Variants in TAFA1 observed in about 807,000 individuals in gnomAD.
The protein encoded by TAFA1 is TAFA chemokine like family member 1, also known as chemokine-like protein TAFA-1.
In TAFA1, 4 loss-of-function variants were observed where a neutral mutation model predicts 18.5. The observed-to-expected ratio is 0.22, with a 90% CI of 0.11 to 0.49. The LOEUF (loss-of-function observed/expected upper bound fraction) is 0.49. TAFA1 is among the 20% of genes least tolerant of loss of function. The pLI is 0.98. For missense variants in TAFA1, 147 were observed against 169.0 expected, an observed-to-expected ratio of 0.87 and a Z score of 0.72; for synonymous variants, 56 against 55.2, an observed-to-expected ratio of 1.01 and a Z score of -0.06.
At chr3:68,297,103 G>C (rs938971163) in intron 2 of TAFA1, among the ~76,000 whole-genome samples, 1 of 152,154 alleles carries the variant, frequency 6.6e-6, no homozygotes, top group Non-Finnish European at 1.5e-5. Flanking sequence ...AGCAAGCCCA[G>C]GTAGCTGGAG....
At chr3:68,033,637 G>A (rs1704983190) in intron 2 of TAFA1, among the ~76,000 whole-genome samples, 1 of 152,112 alleles carries the variant, frequency 6.6e-6, no homozygotes, top group South Asian at 2.1e-4. Flanking sequence ...ATTAAGTCAT[G>A]CTAGATATTT....
chr3:68,287,190 C>G (rs1009237320), intron 2 of TAFA1, among the ~76,000 whole-genome samples: 10 of 152,154 alleles, frequency 6.6e-5, no homozygotes, highest in African/African-American at 2.2e-4. Flanking sequence ...TGAATTATCA[C>G]CTTCCTGAAA....
chr3:68,348,033 TG>T, intron 2 of TAFA1, among the ~76,000 whole-genome samples: 2 of 152,246 alleles, frequency 1.3e-5, no homozygotes, highest in African/African-American at 4.8e-5. Context: ...AACTCCCTGA[TG>T]TTGATTCCTC....
At chr3:68,258,082 A>G (rs2067334107) in intron 2 of TAFA1, among the ~76,000 whole-genome samples, 1 of 152,206 alleles carries the variant, frequency 6.6e-6, no homozygotes, top group Non-Finnish European at 1.5e-5. Context: ...ATCCTGGAAC[A>G]GAAAAGGACT....
intron 2 of TAFA1, among the ~76,000 whole-genome samples, chr3:68,385,893 T>C (rs984619540): frequency 6.6e-5 from 10 of 152,146 alleles, no homozygotes; most frequent in Admixed American, 1.3e-4. Context: ...AATTAGCATA[T>C]CCATCATCTT....
intron 2 of TAFA1, among the ~76,000 whole-genome samples, chr3:68,019,228 T>A (rs1575576444): frequency 6.6e-6 from 1 of 152,252 alleles, no homozygotes; most frequent in African/African-American, 2.4e-5. Flanking sequence ...TGCAGCTGAA[T>A]AATGCTTGAT....
chr3:68,027,301 A>G (rs1397045395), intron 2 of TAFA1, among the ~76,000 whole-genome samples: 2 of 152,112 alleles, frequency 1.3e-5, no homozygotes, highest in Non-Finnish European at 2.9e-5. Flanking sequence ...CCCAATATTT[A>G]GCAGAATCCT....
intron 2 of TAFA1, among the ~76,000 whole-genome samples, chr3:68,262,349 A>ATATTTATT (rs1553662624): frequency 1.3e-5 from 1 of 78,730 alleles, no homozygotes; most frequent in South Asian, 5.4e-4. Context: ...ATATATATAT[A>ATATTTATT]TATATATATT....
intron 2 of TAFA1, 99 bp downstream of exon 2, chr3:68,006,843 G>T: frequency 1.1e-6 from 1 of 880,762 alleles, no homozygotes. Flanking sequence ...TATAGTGTGG[G>T]CAGCTTGCCT....
intron 3 of TAFA1, among the ~76,000 whole-genome samples, chr3:68,448,050 C>T (rs2071501371): frequency 1.3e-5 from 2 of 152,258 alleles, no homozygotes; most frequent in South Asian, 2.1e-4. Flanking sequence ...AGGAATTCTG[C>T]TGCAGTTGGT....
chr3:68,520,073 T>A (rs2072995863), intron 3 of TAFA1, among the ~76,000 whole-genome samples: 1 of 152,224 alleles, frequency 6.6e-6, no homozygotes, highest in South Asian at 2.1e-4. Flanking sequence ...ATACTCAGAA[T>A]GTTGCACTGG....
rs141926967 is a variant in TAFA1, at chr3:68,004,401, G to A, written c.-305G>A. 6.6e-6 allele frequency: 1 copy of A among 152,232 alleles called. No homozygotes were observed. Among genetic ancestry groups the A allele is most frequent in the Non-Finnish European group, 1.5e-5 (1 of 68,024 alleles). The allele number at this position is 152,232 out of a possible 1,614,324, so 9.4% of individuals were successfully genotyped here. A position where few individuals can be genotyped will look rare whatever the true frequency, so the allele number is the denominator to read the frequency against. Reference sequence around the variant, plus strand: ...ACATTATCTCCCCATCACTTCAAAGGTCTCGTCAGGCAGAGGTGACGCCAG... The same window carrying A: ...ACATTATCTCCCCATCACTTCAAAGATCTCGTCAGGCAGAGGTGACGCCAG... On this transcript the variant is annotated 5_prime_UTR_variant, in exon 1 of 5. Transcript: ENST00000478136.
intron 2 of TAFA1, among the ~76,000 whole-genome samples, chr3:68,016,785 C>G (rs1331450082): frequency 6.6e-6 from 1 of 152,126 alleles, no homozygotes; most frequent in Non-Finnish European, 1.5e-5. Flanking sequence ...TGCCTGCAAA[C>G]CTCTGCAACA....
intron 2 of TAFA1, among the ~76,000 whole-genome samples, chr3:68,349,523 A>C (rs1370066482): frequency 6.6e-6 from 1 of 152,116 alleles, no homozygotes; most frequent in East Asian, 1.9e-4. Flanking sequence ...TTATTTGGGC[A>C]TAGAGTGTTT....
At chr3:68,477,617 G>A (rs1575904354) in intron 3 of TAFA1, among the ~76,000 whole-genome samples, 1 of 152,094 alleles carries the variant, frequency 6.6e-6, no homozygotes, top group East Asian at 1.9e-4. Flanking sequence ...CTGTCCTCAA[G>A]TCATCTGCCC....
At chr3:68,277,348 T>G (rs979339004) in intron 2 of TAFA1, among the ~76,000 whole-genome samples, 2 of 152,128 alleles carry the variant, frequency 1.3e-5, no homozygotes, top group African/African-American at 4.8e-5. Context: ...ATGCTCTGAA[T>G]TTATACTTCT....
chr3:68,325,408 G>A (rs1037590365), intron 2 of TAFA1, among the ~76,000 whole-genome samples: 2 of 152,148 alleles, frequency 1.3e-5, no homozygotes, highest in Admixed American at 6.5e-5. Context: ...AGGGTGAATA[G>A]TATCTACATT....
At position 68,021,185 on chromosome 3, in the gene TAFA1, C is replaced by CAAAAAAAA; in HGVS notation, c.118+14461_118+14468dup. 1.1e-4 allele frequency among the ~76,000 whole-genome samples: 6 copies of CAAAAAAAA among 56,090 alleles called. 2 individuals carry two copies. The highest frequency in any genetic ancestry group is 1.9e-4 in the Non-Finnish European group (6 of 31,588). 36.8% of individuals were successfully genotyped at this position (56,090 alleles called of 152,430 possible). ...TAGTCAACAGAACAAGACCCTGTCT[C>CAAAAAAAA]AAAAAAAAAAAAAAAAAAAAAAAAA... On this transcript the variant is annotated intron_variant, in intron 2 of 4. Transcript: ENST00000478136.
At chr3:68,096,065 C>G (rs1336410655) in intron 2 of TAFA1, among the ~76,000 whole-genome samples, 1 of 151,928 alleles carries the variant, frequency 6.6e-6, no homozygotes, top group Non-Finnish European at 1.5e-5. Flanking sequence ...TTCATTCTCC[C>G]CCTCCCACTC....
Sources: allele counts gnomAD v4.1 joint callset (sites outside exome capture counted in the v4.1 genomes callset), GRCh38; gene constraint gnomAD v4.1.1; transcripts MANE v1.5; gene names NCBI Gene and HGNC (gene_info 2026-07-23, HGNC 2026-07-21).